The following DPP10 variants were observed in gnomAD, a reference collection of about 807,000 sequenced individuals.
DPP10 encodes inactive dipeptidyl peptidase 10.
In DPP10, 33 loss-of-function variants were observed where a neutral mutation model predicts 120.9. The ratio of observed to expected loss-of-function variants is 0.27; its 90% CI spans 0.21 to 0.37. The LOEUF (loss-of-function observed/expected upper bound fraction) is 0.37, where lower values mean the gene tolerates loss of function less well. DPP10 is among the 10% of genes least tolerant of loss of function. The probability of loss-of-function intolerance (pLI) is 1.00; values close to 1 mark genes in which losing one functional copy is unlikely to be tolerated. For missense variants in DPP10, 816 were observed against 942.8 expected (o/e 0.87, Z 1.76); for synonymous variants, 337 against 326.1 (o/e 1.03, Z -0.36).
chr2:114,688,919 T>G (rs1330775021), intron 1 of DPP10, among the ~76,000 whole-genome samples: 1 of 151,826 alleles, frequency 6.6e-6, no homozygotes, highest in Non-Finnish European at 1.5e-5. Flanking sequence ...GTGGGAAGTG[T>G]GTGTATGTGT....
At chr2:115,040,237 G>A (rs1013566274) in intron 1 of DPP10, among the ~76,000 whole-genome samples, 2 of 151,700 alleles carry the variant, frequency 1.3e-5, no homozygotes, top group Non-Finnish European at 2.9e-5. Flanking sequence ...CATATCACCA[G>A]GTGATCACAG....
At chr2:115,531,250 C>G (rs1422299356) in intron 5 of DPP10, among the ~76,000 whole-genome samples, 4 of 151,514 alleles carry the variant, frequency 2.6e-5, no homozygotes, top group Non-Finnish European at 5.9e-5. Flanking sequence ...ATTCTGTTGT[C>G]CCATTGAGAC....
At chr2:114,631,945 A>T (rs1694956974) in intron 1 of DPP10, among the ~76,000 whole-genome samples, 1 of 152,156 alleles carries the variant, frequency 6.6e-6, no homozygotes, top group Non-Finnish European at 1.5e-5. Context: ...AGAATATTCC[A>T]TTCGTTGCTT....
At chr2:115,343,958 A>G (rs999112602) in intron 3 of DPP10, 46 bp downstream of exon 3, 4 of 1,479,586 alleles carry the variant, frequency 2.7e-6, no homozygotes, top group East Asian at 4.8e-5. Context: ...TGAGTTCTGT[A>G]TAATTAAAAT....
chr2:115,025,541 C>T (rs755692391), intron 1 of DPP10, among the ~76,000 whole-genome samples: 11 of 152,016 alleles, frequency 7.2e-5, no homozygotes, highest in Middle Eastern at 3.4e-3. Context: ...CTAGATCATA[C>T]GGTAATTCTA....
At chr2:115,720,538 A>G (rs1036375002) in intron 7 of DPP10, among the ~76,000 whole-genome samples, 2 of 152,100 alleles carry the variant, frequency 1.3e-5, no homozygotes, top group African/African-American at 2.4e-5. Flanking sequence ...AAGGTGTCTT[A>G]TTCTTACAAT....
chr2:115,655,355 C>T (rs2088203008), intron 5 of DPP10, among the ~76,000 whole-genome samples: 1 of 151,616 alleles, frequency 6.6e-6, no homozygotes, highest in African/African-American at 2.4e-5. Context: ...TGTCTAAAAG[C>T]ACTCATGAAT....
chr2:115,088,750 C>CAAAAAAAA (rs70941027), intron 1 of DPP10, among the ~76,000 whole-genome samples: 16,650 of 64,564 alleles, frequency 0.26, 3,577 homozygotes, highest in East Asian at 0.39. Context: ...CTGTGCCTGA[C>CAAAAAAAA]AAAAAAAAAA....
intron 1 of DPP10, among the ~76,000 whole-genome samples, chr2:114,456,486 G>A (rs1678593000): frequency 1.3e-5 from 2 of 152,114 alleles, no homozygotes; most frequent in African/African-American, 4.8e-5. Flanking sequence ...ATATATATGG[G>A]ATTCAAGTAT....
chr2:115,763,284 C>T lies in DPP10; in HGVS notation c.1113+674C>T, dbSNP rs140227745. ...CTTTTATTTTATATTACGTCTATGG[C>T]GTTAATGACCACCCATATTTTGAGA... On this transcript the variant is annotated intron_variant, in intron 12 of 25. Transcript: ENST00000410059. Among the ~76,000 whole-genome samples, 69 of 152,088 alleles carry T rather than the reference C, an allele frequency of 4.5e-4. 1 individual carries two copies. The East Asian group carries it at 0.011, about 23-fold the overall frequency.
chr2:115,448,546 T>C (rs1289833030), intron 3 of DPP10, among the ~76,000 whole-genome samples: 1 of 152,164 alleles, frequency 6.6e-6, no homozygotes, highest in East Asian at 1.9e-4. Flanking sequence ...TAGAATCCAA[T>C]GTTTGTAAAA....
chr2:114,457,257 T>A (rs921802670), intron 1 of DPP10, among the ~76,000 whole-genome samples: 16 of 152,194 alleles, frequency 1.1e-4, no homozygotes, highest in Non-Finnish European at 2.2e-4. Context: ...GCTATTGACA[T>A]GTTGGGCCAG....
intron 5 of DPP10, among the ~76,000 whole-genome samples, chr2:115,685,253 C>T (rs1469046018): frequency 1.3e-5 from 2 of 151,872 alleles, no homozygotes; most frequent in Admixed American, 1.3e-4. Context: ...ATATGCAGGA[C>T]TATCTTAAGT....
intron 2 of DPP10, chr2:115,342,066 A>T (rs897201863): frequency 2.3e-5 from 10 of 434,692 alleles, no homozygotes; most frequent in African/African-American, 2.0e-4. Context: ...TTACCCAGGA[A>T]TTAGTGAGAG....
At chr2:114,767,472 G>A (rs79371256) in intron 1 of DPP10, among the ~76,000 whole-genome samples, 1,614 of 151,944 alleles carry the variant, frequency 0.011, 32 homozygotes, top group African/African-American at 0.037. Flanking sequence ...CCACAGATAG[G>A]AGTATTAAAA....
At chr2:114,906,993 T>C (rs1418105363) in intron 1 of DPP10, among the ~76,000 whole-genome samples, 1 of 152,196 alleles carries the variant, frequency 6.6e-6, no homozygotes, top group Non-Finnish European at 1.5e-5. Context: ...AGATTTTTAA[T>C]GTATTCCCTA....
intron 1 of DPP10, among the ~76,000 whole-genome samples, chr2:114,475,163 G>C (rs139387787): frequency 1.3e-3 from 200 of 152,256 alleles, no homozygotes; most frequent in African/African-American, 4.5e-3. Context: ...TTACACACAA[G>C]CATGTTATTT....
At chr2:115,365,470 G>GC (rs2065024729) in intron 3 of DPP10, among the ~76,000 whole-genome samples, 1 of 151,640 alleles carries the variant, frequency 6.6e-6, no homozygotes, top group Non-Finnish European at 1.5e-5. Flanking sequence ...GAAAATAAAT[G>GC]CATTACTCAA....
intron 1 of DPP10, among the ~76,000 whole-genome samples, chr2:115,118,120 C>T (rs1344467562): frequency 6.6e-6 from 1 of 152,148 alleles, no homozygotes; most frequent in Non-Finnish European, 1.5e-5. Context: ...CCTGTTTACT[C>T]AAGACCCAAA....
Sources: gnomAD v4.1 joint callset for allele counts (sites outside exome capture counted in the v4.1 genomes callset) on GRCh38, gnomAD v4.1.1 for gene constraint, MANE v1.5 for transcripts, NCBI Gene and HGNC (gene_info 2026-07-23, HGNC 2026-07-21) for gene names.